The following CSMD1 variants were observed in gnomAD, a reference collection of about 807,000 sequenced individuals.
CSMD1 encodes the protein CUB and Sushi multiple domains 1.
In CSMD1, 213 loss-of-function variants were observed where a neutral mutation model predicts 417.5. The ratio of observed to expected loss-of-function variants is 0.51; its 90% CI spans 0.46 to 0.57. CSMD1 has a LOEUF of 0.57. Among genes scored for constraint, CSMD1 ranks in the 20% least tolerant of loss-of-function variants. The pLI, the probability that CSMD1 is intolerant of heterozygous loss-of-function variation, is 0.00. For synonymous variants in CSMD1, 2,862 were observed against 1,736.8 expected, an observed-to-expected ratio of 1.65 and a Z score of -16.11; for missense variants, 6,923 against 4,529.7, an observed-to-expected ratio of 1.53 and a Z score of -15.17.
chr8:3,301,654 T>C lies in CSMD1; in HGVS notation c.3950+6041A>G, dbSNP rs115078563. Among the ~76,000 whole-genome samples the C allele has an allele frequency of 2.1e-3, 316 of 152,270 alleles. 1 individual carries two copies. Among genetic ancestry groups the C allele is most frequent in the African/African-American group, 7.4e-3 (308 of 41,566 alleles). On this transcript the variant is annotated intron_variant, in intron 25 of 69. Coordinates refer to ENST00000635120, the MANE Select transcript of CSMD1 (RefSeq NM_033225.6). Reference sequence around the variant, plus strand: ...TGATCAGAGATCAGTCAAGCTTTCTTTGTCCTGAAGTCGAAAGTATCCATG... The same window carrying C: ...TGATCAGAGATCAGTCAAGCTTTCTCTGTCCTGAAGTCGAAAGTATCCATG...
At chr8:3,426,064 C>G (rs1032733121) in intron 12 of CSMD1, among the ~76,000 whole-genome samples, 2 of 152,168 alleles carry the variant, frequency 1.3e-5, no homozygotes, top group Non-Finnish European at 2.9e-5. Context: ...TCTTGATAAT[C>G]TGTGAAAATG....
At chr8:4,927,046 T>G (rs1806915798) in intron 1 of CSMD1, among the ~76,000 whole-genome samples, 1 of 151,300 alleles carries the variant, frequency 6.6e-6, no homozygotes, top group Non-Finnish European at 1.5e-5. Flanking sequence ...TCAGCATTCC[T>G]TTTAATGAAA....
At chr8:3,785,929 G>T (rs954733078) in intron 5 of CSMD1, among the ~76,000 whole-genome samples, 1 of 152,164 alleles carries the variant, frequency 6.6e-6, no homozygotes, top group African/African-American at 2.4e-5. Flanking sequence ...TCTTGGAGCC[G>T]AGGAAATGGA....
At chr8:4,018,065 G>A (rs1330962861) in intron 4 of CSMD1, among the ~76,000 whole-genome samples, 1 of 106,438 alleles carries the variant, frequency 9.4e-6, no homozygotes, top group Non-Finnish European at 1.9e-5. Flanking sequence ...GGGTATGTAT[G>A]CTTGCAAAAA....
At chr8:3,372,967 A>T (rs1261726513) in intron 18 of CSMD1, among the ~76,000 whole-genome samples, 1 of 152,160 alleles carries the variant, frequency 6.6e-6, no homozygotes, top group East Asian at 1.9e-4. Context: ...GTAACTTTTC[A>T]CTGGTCTATG....
At chr8:4,320,413 G>C (rs111923658) in intron 3 of CSMD1, among the ~76,000 whole-genome samples, 4 of 152,164 alleles carry the variant, frequency 2.6e-5, no homozygotes, top group African/African-American at 9.6e-5. Flanking sequence ...GAATGTGCAG[G>C]TTTGTGACAT....
At chr8:3,525,847 T>G (rs577973777) in intron 10 of CSMD1, among the ~76,000 whole-genome samples, 1 of 152,248 alleles carries the variant, frequency 6.6e-6, no homozygotes, top group East Asian at 1.9e-4. Flanking sequence ...CCCCCAGGTC[T>G]CCAGAACCCC....
At chr8:3,333,562 C>T (rs1807044445) in intron 23 of CSMD1, among the ~76,000 whole-genome samples, 1 of 152,170 alleles carries the variant, frequency 6.6e-6, no homozygotes, top group Admixed American at 6.5e-5. Context: ...ACAGATACTG[C>T]AATGCCAGGA....
At chr8:4,443,138 C>T (rs1798579883) in intron 2 of CSMD1, among the ~76,000 whole-genome samples, 1 of 152,144 alleles carries the variant, frequency 6.6e-6, no homozygotes, top group African/African-American at 2.4e-5. Flanking sequence ...GGTATAGCAA[C>T]AGTATCTTAT....
intron 10 of CSMD1, among the ~76,000 whole-genome samples, chr8:3,532,705 A>C (rs926267874): frequency 2.0e-5 from 3 of 152,106 alleles, no homozygotes; most frequent in Non-Finnish European, 4.4e-5. Context: ...ATTCCAAACA[A>C]TTTGCTTAAA....
chr8:4,546,663 C>G (rs1797651380), intron 2 of CSMD1, among the ~76,000 whole-genome samples: 1 of 152,138 alleles, frequency 6.6e-6, no homozygotes, highest in Non-Finnish European at 1.5e-5. Context: ...CAATGGCTTT[C>G]CTGGATCTCC....
intron 33 of CSMD1, among the ~76,000 whole-genome samples, chr8:3,198,893 C>T (rs1796842280): frequency 6.8e-6 from 1 of 146,230 alleles, no homozygotes; most frequent in African/African-American, 2.5e-5. Context: ...TCTGTAGCCT[C>T]CAGCAAAATT....
Position 3,408,133 on chromosome 8 carries a change from A to G in CSMD1, c.1837T>C (p.Leu613=), listed in dbSNP as rs1000394935. ...EYGNNMNCVW[L]IISEPGSRIH... ...CGACTTCCTGGCTCCGAGATAATCA[A>G]CCAGACACAGTTCATGTTGTTCCCA... The change falls in exon 14 of 70, where the codon TTG becomes CTG. Residue 613 remains leucine, a synonymous_variant. Transcript: ENST00000635120. The G allele has an allele frequency of 6.2e-7, 1 of 1,613,774 alleles. No individual in the cohort carries two copies. The highest frequency in any genetic ancestry group is 8.5e-7 in the Non-Finnish European group (1 of 1,179,744).
chr8:4,649,262 A>AG (rs1803730406), intron 1 of CSMD1, among the ~76,000 whole-genome samples: 1 of 152,226 alleles, frequency 6.6e-6, no homozygotes. Context: ...TATGGAAGCA[A>AG]GGGAGCTGGA....
chr8:4,802,130 G>A (rs1303904940), intron 1 of CSMD1, among the ~76,000 whole-genome samples: 1 of 152,186 alleles, frequency 6.6e-6, no homozygotes, highest in Non-Finnish European at 1.5e-5. Context: ...CATCTGGAGG[G>A]ATCTCAAAAT....
chr8:4,778,080 C>A (rs922583059), intron 1 of CSMD1, among the ~76,000 whole-genome samples: 2 of 151,944 alleles, frequency 1.3e-5, no homozygotes, highest in Non-Finnish European at 2.9e-5. Flanking sequence ...CATACTGGTG[C>A]AATATTTTAA....
At chr8:3,113,256 A>G (rs1003767325) in intron 42 of CSMD1, 2 of 152,282 alleles carry the variant, frequency 1.3e-5, no homozygotes, top group Non-Finnish European at 2.9e-5. Context: ...AGGAAGACAG[A>G]CAGCTGACCA....
At chr8:4,502,830 G>A (rs530229654) in intron 2 of CSMD1, among the ~76,000 whole-genome samples, 2 of 152,224 alleles carry the variant, frequency 1.3e-5, no homozygotes, top group South Asian at 4.1e-4. Context: ...GTATGACGGT[G>A]TGCTGCCCAT....
At chr8:4,929,168 A>G (rs1240570174) in intron 1 of CSMD1, among the ~76,000 whole-genome samples, 1 of 152,206 alleles carries the variant, frequency 6.6e-6, no homozygotes, top group South Asian at 2.1e-4. Context: ...GAAAGACATC[A>G]GAGAAGCTCC....
Sources: allele counts gnomAD v4.1 joint callset (sites outside exome capture counted in the v4.1 genomes callset), GRCh38; gene constraint gnomAD v4.1.1; transcripts MANE v1.5; gene names NCBI Gene and HGNC (gene_info 2026-07-23, HGNC 2026-07-21).